Variants in PCDHGA4 observed in about 807,000 individuals in gnomAD.
PCDHGA4 encodes the protein protocadherin gamma subfamily A, 4.
A neutral mutation model predicts 54.6 loss-of-function variants in PCDHGA4; 38 were observed. The observed-to-expected ratio is 0.70, with a 90% CI of 0.54 to 0.91. The LOEUF is 0.91. Ranked by LOEUF, PCDHGA4 falls within the 40% of genes least tolerant of loss-of-function variation. PCDHGA4 has a pLI of 0.00. For synonymous variants in PCDHGA4, 511 were observed against 512.9 expected (o/e 1.00, Z 0.05); for missense variants, 1,298 against 1,220.9 (o/e 1.06, Z -0.94).
intron 1 of PCDHGA4, chr5:141,383,409 C>A (rs199780721): frequency 4.3e-6 from 7 of 1,613,892 alleles, no homozygotes; most frequent in Non-Finnish European, 5.9e-6. Flanking sequence ...TCCAGAGTTA[C>A]CAGCTCAGCC....
rs1259490084 is a variant in PCDHGA4, at chr5:141,360,812, C to A, written c.2514+3191C>A. The stretch of plus-strand genomic sequence containing the variant: ...GGAGACCCACCTCAAAGTGGCACGA[C>A]CCAAATCCGAATCAAAGTCACGGAT... On this transcript the variant is annotated intron_variant, in intron 1 of 3. Transcript: ENST00000571252. 1.2e-6 allele frequency: 2 copies of A among 1,613,952 alleles called. No individual in the cohort carries two copies. The highest frequency in any genetic ancestry group is 1.1e-5 in the South Asian group (1 of 91,082).
At position 141,357,449 on chromosome 5, in the gene PCDHGA4, T is replaced by C. The variant is rs572307990; in HGVS notation, c.2342T>C (p.Leu781Pro). 6.8e-6 allele frequency: 11 copies of C among 1,614,224 alleles called. No homozygotes were observed. The highest frequency in any genetic ancestry group is 6.7e-5 in the East Asian group (3 of 44,880). Residue 781 changes from leucine (L) to proline (P), a missense_variant, in exon 1 of 4, where the codon CTG (leucine) becomes CCG (proline). Coordinates refer to ENST00000571252, the MANE Select transcript of PCDHGA4 (RefSeq NM_018917.4). ...FVGVDGVRAF[L>P]QTYSHEVSLT... ...GGCGTGGACGGGGTTCGGGCTTTCC[T>C]GCAGACCTATTCCCACGAGGTCTCC... is the stretch of plus-strand genomic sequence containing the variant.
intron 3 of PCDHGA4, among the ~76,000 whole-genome samples, chr5:141,507,521 C>G (rs2099861196): frequency 6.6e-6 from 1 of 151,972 alleles, no homozygotes; most frequent in African/African-American, 2.4e-5. Flanking sequence ...GGCTATGATT[C>G]CAGAGAGGCC....
intron 1 of PCDHGA4, chr5:141,371,783 G>C (rs1396118548): frequency 6.2e-7 from 1 of 1,613,986 alleles, no homozygotes. Context: ...ATGTAGCTGA[G>C]AACAATCCGC....
chr5:141,357,709 A>G (rs1760706565), intron 1 of PCDHGA4, 88 bp downstream of exon 1: 1 of 1,470,964 alleles, frequency 6.8e-7, no homozygotes, highest in South Asian at 1.4e-5. Flanking sequence ...TAATATATCA[A>G]ATAAAGTTGC....
At chr5:141,467,178 A>C (rs1344437465) in intron 1 of PCDHGA4, among the ~76,000 whole-genome samples, 1 of 151,604 alleles carries the variant, frequency 6.6e-6, no homozygotes, top group Non-Finnish European at 1.5e-5. Flanking sequence ...TCAGCCTCCC[A>C]AGTAGCTGGG....
In PCDHGA4 at chr5:141,366,839, A is replaced by G. The variant is rs372026898; in HGVS notation, c.2514+9218A>G. The G allele has an allele frequency of 1.6e-5, 24 of 1,499,090 alleles. No homozygotes were observed. In the African/African-American group the frequency reaches 3.1e-4, roughly 19 times the overall value. 92.9% of individuals were successfully genotyped at this position (1,499,090 alleles called of 1,614,324 possible). A position where few individuals can be genotyped will look rare whatever the true frequency, so the allele number is the denominator to read the frequency against. On this transcript the variant is annotated intron_variant, in intron 1 of 3. Coordinates refer to ENST00000571252, the MANE Select transcript of PCDHGA4 (RefSeq NM_018917.4). ...CTGTCATATTCAGAATCAGCTAGTT[A>G]TGTAAATAGTGGAACATTATTTGCT...
At chr5:141,482,530 CAAAAAAA>C (rs3074545) in intron 1 of PCDHGA4, among the ~76,000 whole-genome samples, 2 of 76,560 alleles carry the variant, frequency 2.6e-5, no homozygotes, top group South Asian at 4.6e-4. Flanking sequence ...GACAGACATG[CAAAAAAA>C]AAAAAAAAAA....
chr5:141,400,245 C>T (rs778709619), intron 1 of PCDHGA4: 66 of 1,613,878 alleles, frequency 4.1e-5, no homozygotes, highest in African/African-American at 4.0e-5. Context: ...TGATTCTGGC[C>T]GTTGCCTTGC....
rs779287151 is a variant in PCDHGA4, at chr5:141,384,468, G to A, written c.2514+26847G>A. 8.7e-6 allele frequency: 14 copies of A among 1,613,988 alleles called. No homozygotes were observed. The Admixed American group carries it at 2.0e-4, about 23-fold the overall frequency. On this transcript the variant is annotated intron_variant, in intron 1 of 3. Coordinates refer to ENST00000571252, the MANE Select transcript of PCDHGA4 (RefSeq NM_018917.4). ...ACGCGCTGCAATCCTTTGATTATGA[G>A]CAGTTGAGAGAACTACAACTAAGAG...
At chr5:141,381,986 C>T (rs1360595056) in intron 1 of PCDHGA4, among the ~76,000 whole-genome samples, 1 of 151,810 alleles carries the variant, frequency 6.6e-6, no homozygotes, top group African/African-American at 2.4e-5. Context: ...CGCGCCACCA[C>T]GCCCGGATAA....
chr5:141,476,613 G>T lies in PCDHGA4; in HGVS notation c.2515-18194G>T. On this transcript the variant is annotated intron_variant, in intron 1 of 3. Coordinates refer to ENST00000571252, the MANE Select transcript of PCDHGA4 (RefSeq NM_018917.4). The surrounding 1 kb of genome is among the most constrained non-coding windows in gnomAD (Gnocchi z 7.6). ...AGCGCGCACGATCCCGATGTGGGAA[G>T]CAACTCTTTACAAACCTATGAGCTG... 2 of 1,614,266 alleles carry T rather than the reference G, an allele frequency of 1.2e-6. No homozygotes were observed. The highest frequency in any genetic ancestry group is 2.7e-5 in the African/African-American group (2 of 75,078).
chr5:141,389,726 C>T (rs150721796), intron 1 of PCDHGA4: 77,154 of 1,612,710 alleles, frequency 0.048, 2,225 homozygotes, highest in Non-Finnish European at 0.054. Context: ...AGCCCGGGCT[C>T]TTCAGCCTGG....
At chr5:141,359,052 T>TCACATA (rs1024764249) in intron 1 of PCDHGA4, among the ~76,000 whole-genome samples, 3 of 152,256 alleles carry the variant, frequency 2.0e-5, no homozygotes, top group African/African-American at 7.2e-5. Context: ...CTGTGGAATA[T>TCACATA]GCCTCAATTT....
In PCDHGA4 at chr5:141,477,524, A is replaced by G. The variant is rs1302186932; in HGVS notation, c.2515-17283A>G. The stretch of plus-strand genomic sequence containing the variant: ...CTACGACGTTTACATTGAAGAAAAC[A>G]ACCTCCCCGGGGCTCCAATACTAAA... On this transcript the variant is annotated intron_variant, in intron 1 of 3. Coordinates refer to ENST00000571252, the MANE Select transcript of PCDHGA4 (RefSeq NM_018917.4). The surrounding 1 kb of genome is among the most constrained non-coding windows in gnomAD (Gnocchi z 4.9). The G allele has an allele frequency of 1.2e-6, 2 of 1,614,122 alleles. No individual in the cohort carries two copies. Among genetic ancestry groups the G allele is most frequent in the Non-Finnish European group, 1.7e-6 (2 of 1,180,022 alleles).
At chr5:141,376,944 C>T (rs1773563928) in intron 1 of PCDHGA4, 1 of 167,020 alleles carries the variant, frequency 6.0e-6, no homozygotes, top group Non-Finnish European at 1.3e-5. Context: ...GCCTCGGCCT[C>T]CCAAAGTGCT....
At chr5:141,427,901 G>T in intron 1 of PCDHGA4, 1 of 1,572,232 alleles carries the variant, frequency 6.4e-7, no homozygotes. Flanking sequence ...GCTCGCCCGC[G>T]CTCAGCGCCA....
intron 1 of PCDHGA4, chr5:141,374,106 C>T (rs377211748): frequency 1.1e-5 from 17 of 1,572,446 alleles, no homozygotes; most frequent in South Asian, 3.5e-5. Flanking sequence ...CAGAGGCATC[C>T]GCAGCGCAGC....
intron 1 of PCDHGA4, chr5:141,374,954 A>G: frequency 6.2e-7 from 1 of 1,613,990 alleles, no homozygotes. Flanking sequence ...GATCTCACAA[A>G]TTTTCTGTTT....
Sources: allele counts gnomAD v4.1 joint callset (sites outside exome capture counted in the v4.1 genomes callset), GRCh38; gene constraint gnomAD v4.1.1; non-coding constraint Gnocchi (gnomAD v3.1); transcripts MANE v1.5; gene names NCBI Gene and HGNC (gene_info 2026-07-23, HGNC 2026-07-21).